Variants in HYKK observed in about 807,000 individuals in gnomAD.
The protein encoded by HYKK is 5-hydroxy-L-lysine kinase.
HYKK carries 19 observed loss-of-function variants against 29.7 expected under a neutral mutation model. The observed-to-expected ratio is 0.64, with a 90% CI of 0.45 to 0.94. The LOEUF (loss-of-function observed/expected upper bound fraction) is 0.94. Among genes scored for constraint, HYKK ranks in the 40% least tolerant of loss-of-function variants. HYKK has a pLI of 0.00. For missense variants in HYKK, 390 were observed against 443.4 expected, an observed-to-expected ratio of 0.88 and a Z score of 1.08; for synonymous variants, 152 against 158.1, an observed-to-expected ratio of 0.96 and a Z score of 0.29.
intron 3 of HYKK, among the ~76,000 whole-genome samples, chr15:78,517,941 A>G (rs149525456): frequency 3.3e-5 from 5 of 152,270 alleles, no homozygotes; most frequent in Middle Eastern, 3.4e-3. Context: ...TCACATTTAC[A>G]CATGGGTCAT....
downstream of HYKK, among the ~76,000 whole-genome samples, chr15:78,536,823 C>T (rs2052367233): frequency 1.3e-5 from 2 of 152,190 alleles, no homozygotes; most frequent in African/African-American, 4.8e-5. Context: ...AAGAGACTGG[C>T]ATTTGAATCA....
intron 3 of HYKK, among the ~76,000 whole-genome samples, chr15:78,517,824 T>C (rs908896960): frequency 5.3e-5 from 8 of 152,170 alleles, no homozygotes; most frequent in African/African-American, 1.9e-4. Context: ...TGTGAGGTTT[T>C]CCAGTGTGGA....
At chr15:78,515,426 A>C (rs2052121403) in intron 3 of HYKK, among the ~76,000 whole-genome samples, 1 of 152,034 alleles carries the variant, frequency 6.6e-6, no homozygotes, top group African/African-American at 2.4e-5. Flanking sequence ...TCTTCTAAAA[A>C]ACACAAAAAT....
intron 3 of HYKK, among the ~76,000 whole-genome samples, chr15:78,517,030 A>C (rs1244868149): frequency 6.6e-6 from 1 of 151,994 alleles, no homozygotes; most frequent in Non-Finnish European, 1.5e-5. Context: ...AAAAAAAAGA[A>C]AAAAGAAAGA....
At position 78,533,709 on chromosome 15, in the gene HYKK, G is replaced by A. The variant is rs748098119; in HGVS notation, c.*39G>A. On this transcript the variant is annotated 3_prime_UTR_variant, in exon 5 of 5. Transcript: ENST00000388988. ...GTGACTCAAAGTTCACTTTAACTTG[G>A]GTAATTAAAATAGGACCCAGTCAAA... 4.0e-6 allele frequency: 6 copies of A among 1,491,186 alleles called. No homozygotes were observed. The Admixed American group carries it at 9.0e-5, about 22-fold the overall frequency. 92.4% of individuals were successfully genotyped at this position (1,491,186 alleles called of 1,614,324 possible).
At chr15:78,521,132 G>A (rs528092224) in intron 3 of HYKK, among the ~76,000 whole-genome samples, 5 of 152,198 alleles carry the variant, frequency 3.3e-5, no homozygotes, top group African/African-American at 1.2e-4. Context: ...ACATGGTTGG[G>A]CCATTGAAGC....
intron 3 of HYKK, among the ~76,000 whole-genome samples, chr15:78,524,668 G>A (rs1307456500): frequency 6.6e-6 from 1 of 152,098 alleles, no homozygotes; most frequent in Non-Finnish European, 1.5e-5. Flanking sequence ...AATTAGCTGG[G>A]CCTGGTGGTG....
At chr15:78,518,788 G>A (rs189796671) in intron 3 of HYKK, 65 of 309,974 alleles carry the variant, frequency 2.1e-4, no homozygotes, top group African/African-American at 1.1e-3. Context: ...GGTGGCGGGC[G>A]CCTATAATCC....
intron 4 of HYKK, among the ~76,000 whole-genome samples, chr15:78,531,394 T>G (rs979427990): frequency 6.6e-6 from 1 of 152,232 alleles, no homozygotes; most frequent in African/African-American, 2.4e-5. Flanking sequence ...TTAAATTTTC[T>G]GTAACTTTCA....
intron 3 of HYKK, among the ~76,000 whole-genome samples, chr15:78,517,456 A>G (rs1487530248): frequency 1.3e-5 from 2 of 152,058 alleles, no homozygotes; most frequent in Non-Finnish European, 2.9e-5. Context: ...GTGCACGCCT[A>G]TAATCCCAGC....
At chr15:78,520,118 C>A (rs2052176673) in intron 3 of HYKK, among the ~76,000 whole-genome samples, 1 of 152,212 alleles carries the variant, frequency 6.6e-6, no homozygotes, top group Non-Finnish European at 1.5e-5. Flanking sequence ...CTAGAGGGAA[C>A]CAAGCATTCT....
chr15:78,510,070 CTT>C (rs556567558), intron 1 of HYKK, among the ~76,000 whole-genome samples: 1 of 151,396 alleles, frequency 6.6e-6, no homozygotes, highest in Non-Finnish European at 1.5e-5. Context: ...TTTCTCTTCT[CTT>C]TTTTTTTCTT....
At chr15:78,524,323 A>G (rs2141360869) in intron 3 of HYKK, among the ~76,000 whole-genome samples, 1 of 152,344 alleles carries the variant, frequency 6.6e-6, no homozygotes, top group South Asian at 2.1e-4. Flanking sequence ...CGCTTTCTGA[A>G]GCAGTGGTCC....
At chr15:78,537,237 C>G (rs1205265229), downstream of HYKK, 1 of 525,754 alleles carries the variant, frequency 1.9e-6, no homozygotes, top group Non-Finnish European at 3.5e-6. Flanking sequence ...CCCATTGATT[C>G]GGTTTCTCTG....
chr15:78,522,404 T>A (rs1208088446), intron 3 of HYKK, among the ~76,000 whole-genome samples: 1 of 148,534 alleles, frequency 6.7e-6, no homozygotes, highest in Non-Finnish European at 1.5e-5. Flanking sequence ...AAAAAAATTT[T>A]TTTAATTAGC....
At chr15:78,512,272 G>C (rs1168403058) in intron 1 of HYKK, among the ~76,000 whole-genome samples, 1 of 151,868 alleles carries the variant, frequency 6.6e-6, no homozygotes, top group African/African-American at 2.4e-5. Flanking sequence ...TAACCAAACT[G>C]TTACTATAAA....
chr15:78,514,892 C>CTCTCTG (rs1276611624), intron 2 of HYKK, 76 bp from the exon 3 acceptor site: 1 of 392,460 alleles, frequency 2.5e-6, no homozygotes, highest in Non-Finnish European at 3.8e-6. Flanking sequence ...CTAAATACCT[C>CTCTCTG]TCTCTCTCTC....
chr15:78,518,531 T>C (rs1016111386), intron 3 of HYKK: 7 of 453,334 alleles, frequency 1.5e-5, no homozygotes, highest in African/African-American at 1.4e-4. Flanking sequence ...TAACGTCTAA[T>C]AACTTGAAAA....
intron 1 of HYKK, among the ~76,000 whole-genome samples, chr15:78,511,407 G>A (rs949806480): frequency 6.6e-6 from 1 of 151,908 alleles, no homozygotes; most frequent in Admixed American, 6.6e-5. Context: ...CTCCTCCCCC[G>A]CCCATGTATC....
Sources: allele counts gnomAD v4.1 joint callset (sites outside exome capture counted in the v4.1 genomes callset), GRCh38; gene constraint gnomAD v4.1.1; transcripts MANE v1.5; gene names NCBI Gene and HGNC (gene_info 2026-07-23, HGNC 2026-07-21).